ADD3: variants seen among roughly 807,000 people sequenced by gnomAD.
ADD3 encodes the protein gamma-adducin.
A neutral mutation model predicts 80.2 loss-of-function variants in ADD3; 25 were observed. The ratio of observed to expected loss-of-function variants is 0.31; its 90% CI spans 0.23 to 0.44. ADD3 has a LOEUF of 0.44. Among genes scored for constraint, ADD3 ranks in the 20% least tolerant of loss-of-function variants. The pLI is 1.00. For synonymous variants in ADD3, 284 were observed against 289.6 expected, an observed-to-expected ratio of 0.98 and a Z score of 0.20; for missense variants, 829 against 847.5, an observed-to-expected ratio of 0.98 and a Z score of 0.27.
rs925834377 is a variant in ADD3 at position 110,129,441 on chromosome 10, G to A, written c.1609-922G>A. 2.6e-5 allele frequency among the ~76,000 whole-genome samples: 4 copies of A among 152,166 alleles called. No homozygotes were observed. The East Asian group carries it at 5.8e-4, about 22-fold the overall frequency. On this transcript the variant is annotated intron_variant, in intron 12 of 14. Coordinates refer to ENST00000356080, the MANE Select transcript of ADD3 (RefSeq NM_016824.5). Reference sequence around the variant, plus strand: ...TGGGATTACAGGTGTGAGCCACCGCGCCCAGCCTAGTTTTTCTTTCTCAAG... The same window carrying A: ...TGGGATTACAGGTGTGAGCCACCGCACCCAGCCTAGTTTTTCTTTCTCAAG...
intron 1 of ADD3, among the ~76,000 whole-genome samples, chr10:110,075,352 A>T (rs941138400): frequency 1.3e-5 from 2 of 149,474 alleles, no homozygotes; most frequent in African/African-American, 2.5e-5. Flanking sequence ...TTTTTTTTTT[A>T]AAGCTATGAA....
intron 1 of ADD3, among the ~76,000 whole-genome samples, chr10:110,079,461 A>AGTGTGTGTGT (rs1164637976): frequency 2.1e-5 from 2 of 97,434 alleles, no homozygotes; most frequent in African/African-American, 9.1e-5. Context: ...AGAGAGAGAG[A>AGTGTGTGTGT]GTGTGTGTGT....
chr10:110,093,637 G>A (rs948567627), intron 1 of ADD3, among the ~76,000 whole-genome samples: 6 of 152,152 alleles, frequency 3.9e-5, no homozygotes, highest in African/African-American at 1.4e-4. Context: ...TACCTTGCAT[G>A]TAGTTCCTTT....
At chr10:110,085,874 G>A (rs1199663942) in intron 1 of ADD3, among the ~76,000 whole-genome samples, 2 of 152,160 alleles carry the variant, frequency 1.3e-5, no homozygotes, top group East Asian at 3.9e-4. Context: ...GGGAGGCCGA[G>A]GCAGGCAGAT....
chr10:110,108,332 T>C (rs370596139), intron 2 of ADD3, among the ~76,000 whole-genome samples: 2 of 152,298 alleles, frequency 1.3e-5, no homozygotes, highest in South Asian at 2.1e-4. Flanking sequence ...TGCTAGCTTA[T>C]TAGTTGTATT....
At chr10:110,118,843 A>G in intron 6 of ADD3, 107 bp downstream of exon 6, 1 of 1,177,688 alleles carries the variant, frequency 8.5e-7, no homozygotes, top group Non-Finnish European at 1.2e-6. Flanking sequence ...CATATTTGAT[A>G]CAATAATCTG....
At chr10:110,020,803 T>C (rs1480548882) in intron 1 of ADD3, among the ~76,000 whole-genome samples, 2 of 152,190 alleles carry the variant, frequency 1.3e-5, no homozygotes, top group Non-Finnish European at 2.9e-5. Flanking sequence ...AATAGGATTT[T>C]CTTACTGAAA....
intron 1 of ADD3, among the ~76,000 whole-genome samples, chr10:110,096,371 C>G (rs1352255036): frequency 6.6e-6 from 1 of 152,216 alleles, no homozygotes; most frequent in Admixed American, 6.5e-5. Context: ...TCCCCACTGC[C>G]TAGGCCCCAG....
At chr10:110,083,237 G>T (rs568915971) in intron 1 of ADD3, among the ~76,000 whole-genome samples, 31 of 152,312 alleles carry the variant, frequency 2.0e-4, no homozygotes, top group African/African-American at 7.5e-4. Flanking sequence ...TTTTGAATAA[G>T]AATTCAAAGT....
chr10:110,073,193 A>C (rs1844983449), intron 1 of ADD3, among the ~76,000 whole-genome samples: 1 of 124,634 alleles, frequency 8.0e-6, no homozygotes, highest in African/African-American at 3.3e-5. Flanking sequence ...CCCAGGCTGG[A>C]GTGCAGTGGC....
chr10:110,107,906 G>A (rs1849570320), intron 2 of ADD3, among the ~76,000 whole-genome samples: 2 of 152,128 alleles, frequency 1.3e-5, no homozygotes, highest in African/African-American at 2.4e-5. Flanking sequence ...TTAAGGTCTT[G>A]AATCTGTTAC....
intron 1 of ADD3, among the ~76,000 whole-genome samples, chr10:110,017,914 A>G (rs1434264619): frequency 6.6e-6 from 1 of 152,214 alleles, no homozygotes; most frequent in Non-Finnish European, 1.5e-5. Flanking sequence ...GTTGGGGATC[A>G]TTGTTTTGGT....
At chr10:110,052,604 A>C (rs1048254079) in intron 1 of ADD3, among the ~76,000 whole-genome samples, 1 of 152,244 alleles carries the variant, frequency 6.6e-6, no homozygotes, top group Non-Finnish European at 1.5e-5. Context: ...GTGCCAAAAA[A>C]GTTGGGGACC....
chr10:110,130,191 A>G (rs1055800765), intron 12 of ADD3, among the ~76,000 whole-genome samples, 172 bp from the exon 13 acceptor site: 5 of 152,212 alleles, frequency 3.3e-5, no homozygotes, highest in East Asian at 3.8e-4. Context: ...AAGGGCATCA[A>G]TCTTACAAGA....
intron 2 of ADD3, among the ~76,000 whole-genome samples, chr10:110,107,207 A>T (rs901918234): frequency 4.6e-5 from 7 of 152,144 alleles, no homozygotes; most frequent in African/African-American, 1.7e-4. Flanking sequence ...TACACTAGGT[A>T]CCCTAAGTAT....
In ADD3 at chr10:110,135,372, T is replaced by C. The variant is rs1391727361; in HGVS notation, c.*1754T>C. 2 of 152,664 alleles carry C rather than the reference T, an allele frequency of 1.3e-5. No homozygotes were observed. Among genetic ancestry groups the C allele is most frequent in the Admixed American group, 1.3e-4 (2 of 15,282 alleles). 9.5% of individuals were successfully genotyped at this position (152,664 alleles called of 1,614,324 possible). A position where few individuals can be genotyped will look rare whatever the true frequency, so the allele number is the denominator to read the frequency against. On this transcript the variant is annotated 3_prime_UTR_variant, in exon 15 of 15. Coordinates refer to ENST00000356080, the MANE Select transcript of ADD3 (RefSeq NM_016824.5). ...TATATATATCTAAATGAATGCAATG[T>C]GCATAAATATTTTTTAAACATAACA...
chr10:110,101,889 A>G (rs1007990150), intron 2 of ADD3, among the ~76,000 whole-genome samples: 15 of 152,180 alleles, frequency 9.9e-5, no homozygotes, highest in African/African-American at 3.4e-4. Flanking sequence ...GGTTAGGGTT[A>G]TATTAGGTTT....
At chr10:110,100,590 A>C in intron 1 of ADD3, 35 bp from the exon 2 acceptor site, 3 of 1,346,424 alleles carry the variant, frequency 2.2e-6, no homozygotes, top group Non-Finnish European at 2.9e-6. Context: ...TAATGAATTT[A>C]TCATGGATGT....
intron 1 of ADD3, among the ~76,000 whole-genome samples, chr10:110,062,144 C>T (rs1413009056): frequency 7.8e-6 from 1 of 128,490 alleles, no homozygotes; most frequent in Non-Finnish European, 1.6e-5. Context: ...AGGCGTATCA[C>T]CTGAGGTCGG....
Sources: gnomAD v4.1 joint callset for allele counts (sites outside exome capture counted in the v4.1 genomes callset) on GRCh38, gnomAD v4.1.1 for gene constraint, MANE v1.5 for transcripts, NCBI Gene and HGNC (gene_info 2026-07-23, HGNC 2026-07-21) for gene names.